CAPN7: variants seen among roughly 807,000 people sequenced by gnomAD.
CAPN7 encodes calpain 7.
Under a neutral mutation model 115.2 loss-of-function variants are expected in CAPN7, and 72 were observed. The observed-to-expected ratio is 0.63, with a 90% CI of 0.52 to 0.76. The LOEUF is 0.76. Among genes scored for constraint, CAPN7 ranks in the 30% least tolerant of loss-of-function variants. CAPN7 has a pLI of 0.00. For missense variants in CAPN7, 905 were observed against 971.5 expected, an observed-to-expected ratio of 0.93 and a Z score of 0.91; for synonymous variants, 344 against 322.3, an observed-to-expected ratio of 1.07 and a Z score of -0.72.
At chr3:15,229,344 AAGTGAG>A (rs1337766832) in intron 8 of CAPN7, among the ~76,000 whole-genome samples, 1 of 152,204 alleles carries the variant, frequency 6.6e-6, no homozygotes, top group Non-Finnish European at 1.5e-5. Flanking sequence ...TTGGACTGTT[AAGTGAG>A]GTAGTCACTA....
At chr3:15,211,249 G>A (rs982053926) in intron 1 of CAPN7, among the ~76,000 whole-genome samples, 5 of 152,014 alleles carry the variant, frequency 3.3e-5, no homozygotes, top group African/African-American at 1.2e-4. Context: ...ATTATTACTC[G>A]TTTTAATGCT....
intron 17 of CAPN7, 196 bp from the exon 18 acceptor site, chr3:15,246,536 C>G (rs1211182317): frequency 1.8e-6 from 1 of 551,858 alleles, no homozygotes; most frequent in African/African-American, 2.0e-5. Flanking sequence ...CTGAGGCATA[C>G]AGTTACTAGC....
chr3:15,249,080 T>A (rs961746304), intron 19 of CAPN7, among the ~76,000 whole-genome samples: 1 of 150,540 alleles, frequency 6.6e-6, no homozygotes, highest in South Asian at 2.1e-4. Flanking sequence ...TTGGGCTTAA[T>A]TTTGCTTTTC....
intron 16 of CAPN7, among the ~76,000 whole-genome samples, chr3:15,245,025 G>C (rs1202282729): frequency 6.7e-6 from 1 of 149,632 alleles, no homozygotes; most frequent in Non-Finnish European, 1.5e-5. Context: ...AGTCTAAAAA[G>C]ATGCTGACTA....
intron 1 of CAPN7, chr3:15,210,764 G>A (rs1378005673): frequency 7.8e-7 from 1 of 1,287,802 alleles, no homozygotes; most frequent in Admixed American, 2.3e-5. Flanking sequence ...TCACCATGTT[G>A]CCCAGGCTGA....
At chr3:15,206,944 G>A (rs1047651729) in intron 1 of CAPN7, among the ~76,000 whole-genome samples, 1 of 152,232 alleles carries the variant, frequency 6.6e-6, no homozygotes, top group South Asian at 2.1e-4. Flanking sequence ...GCGGGAAATG[G>A]CCTGTGATAT....
intron 19 of CAPN7, among the ~76,000 whole-genome samples, chr3:15,248,250 AC>A (rs1485292238): frequency 2.6e-5 from 4 of 152,218 alleles, no homozygotes; most frequent in African/African-American, 9.6e-5. Context: ...TGGCCAGTAA[AC>A]CATTGTAATA....
intron 7 of CAPN7, among the ~76,000 whole-genome samples, 164 bp from the exon 8 acceptor site, chr3:15,228,810 A>C (rs528960299): frequency 4.6e-5 from 7 of 152,326 alleles, no homozygotes; most frequent in African/African-American, 1.4e-4. Flanking sequence ...CTGTGACACG[A>C]GTTCACCTAT....
intron 1 of CAPN7, 145 bp downstream of exon 1, chr3:15,206,742 G>C: frequency 1.6e-6 from 1 of 638,574 alleles, no homozygotes; most frequent in South Asian, 2.0e-5. Context: ...CCTCTTGTTG[G>C]GAGCGGCAAG....
intron 5 of CAPN7, among the ~76,000 whole-genome samples, chr3:15,221,601 A>T (rs1292418785): frequency 6.6e-6 from 1 of 152,124 alleles, no homozygotes; most frequent in African/African-American, 2.4e-5. Context: ...GAGCAAAATG[A>T]GCTGTAGCAG....
chr3:15,230,568 GTC>G, intron 9 of CAPN7, 33 bp downstream of exon 9: 1 of 1,215,874 alleles, frequency 8.2e-7, no homozygotes, highest in South Asian at 1.2e-5. Flanking sequence ...CCCATCCCTT[GTC>G]TCTCTCCGTT....
chr3:15,244,166 CTTTG>C (rs1695521988), intron 16 of CAPN7, among the ~76,000 whole-genome samples: 1 of 152,164 alleles, frequency 6.6e-6, no homozygotes, highest in Non-Finnish European at 1.5e-5. Context: ...TTAAGTCTTA[CTTTG>C]TTTAATCATA....
intron 11 of CAPN7, 38 bp from the exon 12 acceptor site, chr3:15,234,987 G>T: frequency 6.3e-7 from 1 of 1,575,946 alleles, no homozygotes. Flanking sequence ...TTACAAATGT[G>T]TTTTACTTTA....
intron 12 of CAPN7, among the ~76,000 whole-genome samples, chr3:15,237,557 T>C (rs1575222978): frequency 6.6e-6 from 1 of 152,228 alleles, no homozygotes; most frequent in Non-Finnish European, 1.5e-5. Context: ...GAATTGCTTC[T>C]TTAAAAGTGG....
intron 17 of CAPN7, 146 bp downstream of exon 17, chr3:15,245,817 A>G (rs574213719): frequency 1.4e-5 from 8 of 552,366 alleles, no homozygotes; most frequent in Non-Finnish European, 2.4e-5. Flanking sequence ...TTAATAGTAA[A>G]TTATACTTTC....
At chr3:15,237,380 C>T (rs968764720) in intron 12 of CAPN7, among the ~76,000 whole-genome samples, 1 of 152,132 alleles carries the variant, frequency 6.6e-6, no homozygotes, top group African/African-American at 2.4e-5. Context: ...TATGGAACCA[C>T]TATGATATAT....
intron 2 of CAPN7, among the ~76,000 whole-genome samples, chr3:15,216,018 G>A (rs946997295): frequency 6.6e-6 from 1 of 152,106 alleles, no homozygotes; most frequent in African/African-American, 2.4e-5. Context: ...AACCCAGGAA[G>A]TGGAGGTTGC....
chr3:15,224,348 C>CA (rs1694181797), intron 6 of CAPN7, among the ~76,000 whole-genome samples: 2 of 151,296 alleles, frequency 1.3e-5, no homozygotes, highest in African/African-American at 4.9e-5. Flanking sequence ...TCATGACTCA[C>CA]TGCAGCCTTG....
intron 2 of CAPN7, 146 bp from the exon 3 acceptor site, chr3:15,217,278 CT>C: frequency 4.5e-6 from 3 of 672,770 alleles, no homozygotes; most frequent in Non-Finnish European, 4.4e-6. Context: ...GAAATTTGTC[CT>C]TTTTTAAGGA....
Sources: gnomAD v4.1 joint callset for allele counts (sites outside exome capture counted in the v4.1 genomes callset) on GRCh38, gnomAD v4.1.1 for gene constraint, MANE v1.5 for transcripts, NCBI Gene and HGNC (gene_info 2026-07-23, HGNC 2026-07-21) for gene names.